KIF1C: variants seen among roughly 807,000 people sequenced by gnomAD.
KIF1C encodes the protein kinesin-like protein KIF1C.
Under a neutral mutation model 126.5 loss-of-function variants are expected in KIF1C, and 61 were observed. That is an observed-to-expected ratio of 0.48 (90% CI 0.39 to 0.60). KIF1C has a LOEUF of 0.60. Among genes scored for constraint, KIF1C ranks in the 20% least tolerant of loss-of-function variants. KIF1C has a pLI of 0.00. For synonymous variants in KIF1C, 640 were observed against 580.6 expected, an observed-to-expected ratio of 1.10 and a Z score of -1.47; for missense variants, 1,315 against 1,489.2, an observed-to-expected ratio of 0.88 and a Z score of 1.93.
In KIF1C at chr17:5,005,078, C is replaced by T. The variant is rs1974696011; in HGVS notation, c.1165+78C>T. The stretch of plus-strand genomic sequence containing the variant: ...CCTCCTCACTTGCCTTTGCCCAGTC[C>T]TGGAGCCAGGGAGGGACCACACACT... On this transcript the variant is annotated intron_variant, in intron 13 of 22. Transcript: ENST00000320785. 23 of 1,583,816 alleles carry T rather than the reference C, an allele frequency of 1.5e-5. No individual in the cohort carries two copies. The South Asian group carries it at 2.6e-4, about 18-fold the overall frequency.
At chr17:5,018,195 G>T (rs964699460) in intron 18 of KIF1C, among the ~76,000 whole-genome samples, 3 of 151,824 alleles carry the variant, frequency 2.0e-5, no homozygotes, top group African/African-American at 7.3e-5. Context: ...TGCCCAGGCT[G>T]GTCTCAAAGT....
chr17:5,004,820 C>T (rs1974688079), intron 12 of KIF1C, 35 bp from the exon 13 acceptor site: 19 of 1,613,898 alleles, frequency 1.2e-5, no homozygotes, highest in Non-Finnish European at 1.5e-5. Flanking sequence ...TCCCCTGCCC[C>T]CAGGCCTCAC....
chr17:5,003,578 C>CCTGTTTCCTCTG, intron 8 of KIF1C, 34 bp from the exon 9 acceptor site: 1 of 1,526,192 alleles, frequency 6.6e-7, no homozygotes. Flanking sequence ...CCCCCACCCG[C>CCTGTTTCCTCTG]ACCTTATCTC....
At chr17:5,007,415 A>G in intron 15 of KIF1C, 52 bp from the exon 16 acceptor site, 2 of 1,611,132 alleles carry the variant, frequency 1.2e-6, no homozygotes, top group Non-Finnish European at 1.7e-6. Flanking sequence ...ACAGGGAAGG[A>G]GGTCACGGGC....
At chr17:5,006,224 C>T (rs1336557465) in intron 13 of KIF1C, among the ~76,000 whole-genome samples, 1 of 151,854 alleles carries the variant, frequency 6.6e-6, no homozygotes, top group Non-Finnish European at 1.5e-5. Flanking sequence ...AAGTTCGACA[C>T]AGAGGTTTCT....
Position 5,023,838 on chromosome 17 carries a change from C to T in KIF1C, c.2999C>T (p.Pro1000Leu), listed in dbSNP as rs267604960. The change falls in exon 23 of 23, where the codon CCA (proline) becomes CTA (leucine). Residue 1000 changes from proline (P) to leucine (L), a missense_variant. By Grantham distance (98) the Pro-to-Leu change is moderately conservative. Coordinates refer to ENST00000320785, the MANE Select transcript of KIF1C (RefSeq NM_006612.6). The surrounding 1 kb of genome is among the most constrained non-coding windows in gnomAD (Gnocchi z 4.2). ...SWPGMGSGEA[P>L]TPLQPPEEVT... ...CCAGGGATGGGGAGCGGGGAGGCTC[C>T]AACTCCGCTCCAACCCCCTGAGGAG... 83 of 1,518,694 alleles carry T rather than the reference C, an allele frequency of 5.5e-5. No homozygotes were observed. The highest frequency in any genetic ancestry group is 7.0e-5 in the Non-Finnish European group (79 of 1,134,364). The allele number at this position is 1,518,694 out of a possible 1,614,324, so 94.1% of individuals were successfully genotyped here. A position where few individuals can be genotyped will look rare whatever the true frequency, so the allele number is the denominator to read the frequency against.
intron 11 of KIF1C, 133 bp downstream of exon 11, chr17:5,004,206 G>A: frequency 1.3e-6 from 1 of 753,072 alleles, no homozygotes; most frequent in Non-Finnish European, 2.3e-6. Flanking sequence ...ACCCTTCAAA[G>A]GGAACATCCT....
intron 12 of KIF1C, 35 bp downstream of exon 12, chr17:5,004,680 A>G (rs985664873): frequency 6.2e-7 from 1 of 1,606,986 alleles, no homozygotes; most frequent in Middle Eastern, 1.7e-4. Context: ...ATGGGGCAGC[A>G]TAGGAAGAGT....
rs1597866526 is a variant in KIF1C, at chr17:5,024,135, G to A, written c.3296G>A (p.Ser1099Asn). Residue 1099 changes from serine (S) to asparagine (N), a missense_variant, in exon 23 of 23, where the codon AGT (serine) becomes AAT (asparagine). Transcript: ENST00000320785. ...RQRSAPDLKESGAAV is the reference protein window; with the variant it reads ...RQRSAPDLKENGAAV ...CGTTCTGCCCCTGACCTCAAGGAGA[G>A]TGGGGCAGCTGTGTGAGTCCCACAT... 7.5e-6 allele frequency: 12 copies of A among 1,610,240 alleles called. No homozygotes were observed. In the East Asian group the frequency reaches 2.7e-4, roughly 36 times the overall value.
At chr17:5,000,735 C>T in intron 3 of KIF1C, 37 bp from the exon 4 acceptor site, 1 of 1,601,240 alleles carries the variant, frequency 6.2e-7, no homozygotes, top group Non-Finnish European at 8.6e-7. Flanking sequence ...AATACCTGAC[C>T]TTGACTTTCC....
chr17:5,000,213 C>A lies in KIF1C; in HGVS notation c.-27-7C>A. ...CTGACCCCACCACTCCTTTCTCTGT[C>A]CTCCAGCTGAGGAGGGCAGGAGTGT... is the stretch of plus-strand genomic sequence containing the variant. On this transcript the variant is annotated splice_region_variant and splice_polypyrimidine_tract_variant and intron_variant, in intron 2 of 22. Coordinates refer to ENST00000320785, the MANE Select transcript of KIF1C (RefSeq NM_006612.6). 1 of 1,470,146 alleles carries A rather than the reference C, an allele frequency of 6.8e-7. No homozygotes were observed. Among genetic ancestry groups the A allele is most frequent in the Non-Finnish European group, 9.3e-7 (1 of 1,072,316 alleles). 91.1% of individuals were successfully genotyped at this position (1,470,146 alleles called of 1,614,324 possible).
chr17:5,016,157 A>G (rs1429639737), intron 18 of KIF1C, among the ~76,000 whole-genome samples: 4 of 141,866 alleles, frequency 2.8e-5, no homozygotes, highest in Non-Finnish European at 6.1e-5. Flanking sequence ...TTTTTTTTTG[A>G]GATGGAGTCT....
intron 16 of KIF1C, among the ~76,000 whole-genome samples, chr17:5,012,308 G>A (rs1974883536): frequency 6.6e-6 from 1 of 151,074 alleles, no homozygotes; most frequent in Non-Finnish European, 1.5e-5. Flanking sequence ...CTTCCCGGAG[G>A]AAGTTGCATT....
rs1285088031 is a variant in KIF1C at position 5,020,013 on chromosome 17, C to T, written c.1684C>T (p.Pro562Ser). ...CCATTCAGTGGTGGTCACTCTGGAG[C>T]CTTGTGAAGGAGCTGAGACATATGT... is the stretch of plus-strand genomic sequence containing the variant. ...PDGEVVVTLE[P>S]CEGAETYVNG... The change falls in exon 19 of 23, where the codon CCT (proline) becomes TCT (serine). Residue 562 changes from proline to serine, a missense_variant. Pro to Ser is a moderately conservative substitution (Grantham distance 74). Transcript: ENST00000320785. This position sits in a 1 kb window ranked among gnomAD's most constrained non-coding sequence, Gnocchi z 5.8. 2 of 1,604,706 alleles carry T rather than the reference C, an allele frequency of 1.2e-6. No homozygotes were observed. Among genetic ancestry groups the T allele is most frequent in the Non-Finnish European group, 1.7e-6 (2 of 1,175,554 alleles).
intron 14 of KIF1C, 85 bp downstream of exon 14, chr17:5,007,169 A>G: frequency 6.4e-7 from 1 of 1,568,398 alleles, no homozygotes; most frequent in Admixed American, 1.9e-5. Flanking sequence ...GAAAGAAGGA[A>G]TTCTAGGAGT....
Position 5,024,453 on chromosome 17 carries a change from T to G in KIF1C, c.*302T>G. 2.9e-6 allele frequency: 1 copy of G among 340,192 alleles called. No homozygotes were observed. The highest frequency in any genetic ancestry group is 5.4e-6 in the Non-Finnish European group (1 of 186,670). 21.1% of individuals were successfully genotyped at this position (340,192 alleles called of 1,614,324 possible). A position where few individuals can be genotyped will look rare whatever the true frequency, so the allele number is the denominator to read the frequency against. On this transcript the variant is annotated 3_prime_UTR_variant, in exon 23 of 23. Coordinates refer to ENST00000320785, the MANE Select transcript of KIF1C (RefSeq NM_006612.6). ...TGGGTGGGGTGGGGGGCTGGGGTGC[T>G]GCGTAGCCAGTGTTTGACTTTCTTT...
rs193060729 is a variant in KIF1C, at chr17:5,010,433, G to T, written c.1491+2891G>T. Among the ~76,000 whole-genome samples, 362 of 152,212 alleles carry T rather than the reference G, an allele frequency of 2.4e-3. 2 individuals are homozygous for T. Among genetic ancestry groups the T allele is most frequent in the Admixed American group, 3.9e-3 (60 of 15,288 alleles). On this transcript the variant is annotated intron_variant, in intron 16 of 22. Transcript: ENST00000320785. Reference sequence around the variant, plus strand: ...GCAGATTCCTAGAAATGGAGATTTTGGGTCAAATGGTAGCCATGTAAAATT... The same window carrying T: ...GCAGATTCCTAGAAATGGAGATTTTTGGTCAAATGGTAGCCATGTAAAATT...
intron 16 of KIF1C, among the ~76,000 whole-genome samples, chr17:5,011,322 A>G (rs2143345758): frequency 6.6e-6 from 1 of 152,270 alleles, no homozygotes; most frequent in East Asian, 1.9e-4. Flanking sequence ...CCCCACCACC[A>G]GGGCTAAGGA....
Position 5,022,024 on chromosome 17 carries a change from A to G in KIF1C, c.2011-68A>G. On this transcript the variant is annotated intron_variant, in intron 21 of 22. Coordinates refer to ENST00000320785, the MANE Select transcript of KIF1C (RefSeq NM_006612.6). The surrounding 1 kb of genome is among the most constrained non-coding windows in gnomAD (Gnocchi z 4.9). ...CGTGTTTCCAGTGTACTTAGGACAC[A>G]CTGGGCCAAGACACATGGGCTCTGG... 5 of 1,509,868 alleles carry G rather than the reference A, an allele frequency of 3.3e-6. No individual in the cohort carries two copies. The highest frequency in any genetic ancestry group is 4.4e-6 in the Non-Finnish European group (5 of 1,127,602). The allele number at this position is 1,509,868 out of a possible 1,614,324, so 93.5% of individuals were successfully genotyped here. A position where few individuals can be genotyped will look rare whatever the true frequency, so the allele number is the denominator to read the frequency against.
Sources: allele counts gnomAD v4.1 joint callset (sites outside exome capture counted in the v4.1 genomes callset), GRCh38; gene constraint gnomAD v4.1.1; non-coding constraint Gnocchi (gnomAD v3.1); transcripts MANE v1.5; gene names NCBI Gene and HGNC (gene_info 2026-07-23, HGNC 2026-07-21).